The following PTP4A1 variants were observed in gnomAD, a reference collection of about 807,000 sequenced individuals.
The protein encoded by PTP4A1 is protein tyrosine phosphatase type IVA 1.
A neutral mutation model predicts 20.5 loss-of-function variants in PTP4A1; 9 were observed. That is an observed-to-expected ratio of 0.44 (90% CI 0.26 to 0.77). The LOEUF is 0.77. Among genes scored for constraint, PTP4A1 ranks in the 30% least tolerant of loss-of-function variants. PTP4A1 has a pLI of 0.19. For synonymous variants in PTP4A1, 78 were observed against 67.4 expected (o/e 1.16, Z -0.77); for missense variants, 137 against 218.8 (o/e 0.63, Z 2.36).
intron 1 of PTP4A1, among the ~76,000 whole-genome samples, chr6:63,527,029 C>T (rs182488503): frequency 4.3e-4 from 65 of 151,866 alleles, no homozygotes; most frequent in African/African-American, 1.5e-3. Flanking sequence ...CCTGCTGCAC[C>T]TTATATATGT....
At chr6:63,554,746 C>T (rs1167901260) in intron 3 of PTP4A1, among the ~76,000 whole-genome samples, 1 of 152,102 alleles carries the variant, frequency 6.6e-6, no homozygotes, top group Non-Finnish European at 1.5e-5. Flanking sequence ...GAAATCGCAC[C>T]ACTACACTCT....
At chr6:63,572,444 G>A, upstream of PTP4A1, 1 of 375,200 alleles carries the variant, frequency 2.7e-6, no homozygotes, top group East Asian at 3.8e-5. Flanking sequence ...TGCACGTCGC[G>A]CCGGCTATAA....
intron 1 of PTP4A1, among the ~76,000 whole-genome samples, chr6:63,526,661 A>T (rs1260650348): frequency 6.6e-6 from 1 of 151,562 alleles, no homozygotes; most frequent in Non-Finnish European, 1.5e-5. Context: ...TACAAAAATT[A>T]GCTGGACGTG....
At chr6:63,551,359 C>T (rs2149490291) in intron 3 of PTP4A1, among the ~76,000 whole-genome samples, 1 of 152,130 alleles carries the variant, frequency 6.6e-6, no homozygotes, top group South Asian at 2.1e-4. Context: ...AGCCACTGCA[C>T]CCAGCCGCTG....
chr6:63,534,220 T>A (rs896538470), intron 2 of PTP4A1, among the ~76,000 whole-genome samples: 7 of 151,360 alleles, frequency 4.6e-5, no homozygotes, highest in African/African-American at 1.7e-4. Flanking sequence ...CAATTACGTT[T>A]AAAAAAAAAG....
At chr6:63,517,028 C>G (rs999847269), upstream of PTP4A1, among the ~76,000 whole-genome samples, 1 of 152,252 alleles carries the variant, frequency 6.6e-6, no homozygotes, top group Non-Finnish European at 1.5e-5. Flanking sequence ...ATTTATTTCT[C>G]TGTCTGCCAA....
chr6:63,530,408 T>C (rs1775401563), intron 2 of PTP4A1, among the ~76,000 whole-genome samples: 1 of 152,190 alleles, frequency 6.6e-6, no homozygotes, highest in Non-Finnish European at 1.5e-5. Context: ...CTGCCTTTTA[T>C]TCCCAAATCT....
intron 1 of PTP4A1, among the ~76,000 whole-genome samples, chr6:63,575,635 A>G (rs1777804271): frequency 6.6e-6 from 1 of 152,182 alleles, no homozygotes; most frequent in East Asian, 1.9e-4. Context: ...TGAGTTGTAT[A>G]TGTGAAATTT....
chr6:63,573,900 T>C (rs1237841734), intron 1 of PTP4A1, among the ~76,000 whole-genome samples: 3 of 152,128 alleles, frequency 2.0e-5, no homozygotes, highest in Non-Finnish European at 4.4e-5. Flanking sequence ...TCGGGGACTG[T>C]TTAGAACTAT....
Position 63,581,889 on chromosome 6 carries a change from AATG to A in PTP4A1, c.*1718_*1720del, listed in dbSNP as rs2149519948. On this transcript the variant is annotated 3_prime_UTR_variant, in exon 6 of 6. Coordinates refer to ENST00000626021, the MANE Select transcript of PTP4A1 (RefSeq NM_003463.5). ...GAAGGCTTAATGTTAAGTTTCCTTT[AATG>A]ATCCACAATAATCCCTTTGATCACG... is the stretch of plus-strand genomic sequence containing the variant. 6.6e-6 allele frequency: 1 copy of A among 152,308 alleles called. No individual in the cohort carries two copies. Among genetic ancestry groups the A allele is most frequent in the Non-Finnish European group, 1.5e-5 (1 of 68,004 alleles). The allele number at this position is 152,308 out of a possible 1,614,324, so 9.4% of individuals were successfully genotyped here. A position where few individuals can be genotyped will look rare whatever the true frequency, so the allele number is the denominator to read the frequency against.
chr6:63,545,234 C>T (rs1313856312), intron 2 of PTP4A1, among the ~76,000 whole-genome samples: 3 of 152,170 alleles, frequency 2.0e-5, no homozygotes, highest in Admixed American at 1.3e-4. Context: ...TCTCTTCAAG[C>T]AGATTTTGGT....
intron 2 of PTP4A1, chr6:63,549,339 C>T (rs1172213407): frequency 1.1e-5 from 8 of 753,896 alleles, no homozygotes; most frequent in Non-Finnish European, 2.4e-6. Context: ...ATAGTGGGGG[C>T]CATTTCACAA....
At chr6:63,531,096 G>A (rs192693190) in intron 2 of PTP4A1, among the ~76,000 whole-genome samples, 1 of 152,144 alleles carries the variant, frequency 6.6e-6, no homozygotes, top group Non-Finnish European at 1.5e-5. Flanking sequence ...GATAGATCAG[G>A]TTTCAAGCAC....
chr6:63,534,916 T>G (rs1775654217), intron 2 of PTP4A1, among the ~76,000 whole-genome samples: 1 of 151,776 alleles, frequency 6.6e-6, no homozygotes, highest in South Asian at 2.1e-4. Flanking sequence ...AAAAACTAGC[T>G]GGGTGTGGTG....
upstream of PTP4A1, chr6:63,521,600 T>C (rs1160620204): frequency 6.6e-6 from 1 of 152,208 alleles, no homozygotes; most frequent in Non-Finnish European, 1.5e-5. Context: ...AGTAGCATAG[T>C]TTGGAAACAA....
intron 1 of PTP4A1, among the ~76,000 whole-genome samples, chr6:63,522,928 G>A (rs973239105): frequency 2.0e-5 from 3 of 146,926 alleles, no homozygotes; most frequent in Non-Finnish European, 3.0e-5. Context: ...GCAGCAGCAC[G>A]ATCTCAGCTA....
upstream of PTP4A1, among the ~76,000 whole-genome samples, chr6:63,520,816 T>G (rs1036726730): frequency 6.6e-6 from 1 of 152,218 alleles, no homozygotes. Flanking sequence ...AAACAGGTGG[T>G]AAAGAGATCA....
chr6:63,572,569 G>T lies in PTP4A1; in HGVS notation c.-596G>T, dbSNP rs1777517099. On this transcript the variant is annotated 5_prime_UTR_variant, in exon 1 of 6. Coordinates refer to ENST00000626021, the MANE Select transcript of PTP4A1 (RefSeq NM_003463.5). ...CGCTCACTGCATGGTAGAGTCTGGTGCCCCCGCCGCCGCCTGCATCGCCGC... is the reference window on the plus strand; with the variant it reads ...CGCTCACTGCATGGTAGAGTCTGGTTCCCCCGCCGCCGCCTGCATCGCCGC... 4.8e-6 allele frequency: 2 copies of T among 412,894 alleles called. No homozygotes were observed. Among genetic ancestry groups the T allele is most frequent in the South Asian group, 1.1e-4 (1 of 9,336 alleles). The allele number at this position is 412,894 out of a possible 1,614,324, so 25.6% of individuals were successfully genotyped here.
chr6:63,517,891 C>T (rs527907903), upstream of PTP4A1, among the ~76,000 whole-genome samples: 19 of 152,234 alleles, frequency 1.2e-4, no homozygotes, highest in Non-Finnish European at 2.2e-4. Flanking sequence ...TGGTGGCTCA[C>T]GCCTGCAATC....
Sources: allele counts gnomAD v4.1 joint callset (sites outside exome capture counted in the v4.1 genomes callset), GRCh38; gene constraint gnomAD v4.1.1; transcripts MANE v1.5; gene names NCBI Gene and HGNC (gene_info 2026-07-23, HGNC 2026-07-21).